The following EMP1 variants were observed in gnomAD, a reference collection of about 807,000 sequenced individuals.
EMP1 encodes tumor-associated membrane protein.
In EMP1, 5 loss-of-function variants were observed where a neutral mutation model predicts 15.7. The observed-to-expected ratio is 0.32, with a 90% CI of 0.17 to 0.67. The LOEUF (loss-of-function observed/expected upper bound fraction) is 0.67. Ranked by LOEUF, EMP1 falls within the 30% of genes least tolerant of loss-of-function variation. The pLI, the probability that EMP1 is intolerant of heterozygous loss-of-function variation, is 0.74. For synonymous variants in EMP1, 78 were observed against 76.7 expected (o/e 1.02, Z -0.09); for missense variants, 166 against 194.2 (o/e 0.85, Z 0.86).
intron 4 of EMP1, 99 bp from the exon 5 acceptor site, chr12:13,214,435 A>G (rs1323197455): frequency 1.5e-5 from 22 of 1,502,946 alleles, no homozygotes; most frequent in Non-Finnish European, 1.9e-5. Flanking sequence ...TCATTTTCCT[A>G]TTGCTAATGA....
chr12:13,203,529 G>A (rs1236552147), intron 1 of EMP1, among the ~76,000 whole-genome samples: 1 of 152,258 alleles, frequency 6.6e-6, no homozygotes, highest in Non-Finnish European at 1.5e-5. Flanking sequence ...CATGCCACTT[G>A]TTTGCCTTTA....
In EMP1 at chr12:13,216,934, T is replaced by C. The variant is rs1432054103; in HGVS notation, c.*2243T>C. 1 of 154,670 alleles carries C rather than the reference T, an allele frequency of 6.5e-6. No homozygotes were observed. The highest frequency in any genetic ancestry group is 1.4e-5 in the Non-Finnish European group (1 of 69,554). 9.6% of individuals were successfully genotyped at this position (154,670 alleles called of 1,614,324 possible). On this transcript the variant is annotated 3_prime_UTR_variant, in exon 5 of 5. Coordinates refer to ENST00000256951, the MANE Select transcript of EMP1 (RefSeq NM_001423.3). ...ATATATTAGGCATTTCTGCAATAGC[T>C]CTTTCAGGTAACTGAATATTATTAA... is the stretch of plus-strand genomic sequence containing the variant.
At chr12:13,213,412 T>A (rs921714032) in intron 2 of EMP1, 67 bp from the exon 3 acceptor site, 1 of 1,392,380 alleles carries the variant, frequency 7.2e-7, no homozygotes, top group African/African-American at 1.4e-5. Flanking sequence ...TGCAAGCTGA[T>A]TTGTTATTTT....
At chr12:13,214,104 T>C in intron 4 of EMP1, 3 of 617,226 alleles carry the variant, frequency 4.9e-6, no homozygotes, top group Non-Finnish European at 8.7e-6. Flanking sequence ...GGCAGAAAGG[T>C]AGGAGTTCTC....
At chr12:13,202,445 A>C (rs1864074233) in intron 1 of EMP1, among the ~76,000 whole-genome samples, 1 of 152,202 alleles carries the variant, frequency 6.6e-6, no homozygotes, top group Non-Finnish European at 1.5e-5. Context: ...ACCCTTCCCC[A>C]GGACGCTGGA....
Position 13,211,385 on chromosome 12 carries a change from C to A in EMP1, c.-42-84C>A. 1.1e-6 allele frequency: 1 copy of A among 874,786 alleles called. No individual in the cohort carries two copies. Among genetic ancestry groups the A allele is most frequent in the Non-Finnish European group, 1.9e-6 (1 of 536,484 alleles). The allele number at this position is 874,786 out of a possible 1,614,324, so 54.2% of individuals were successfully genotyped here. On this transcript the variant is annotated intron_variant, in intron 1 of 4. Transcript: ENST00000256951. The surrounding 1 kb of genome is among the most constrained non-coding windows in gnomAD (Gnocchi z 4.7). Reference sequence around the variant, plus strand: ...TTAGTGCAGCTCTTCCTCATGTTAGCAGATAGCCCACACGTGTGGGAAAGC... The same window carrying A: ...TTAGTGCAGCTCTTCCTCATGTTAGAAGATAGCCCACACGTGTGGGAAAGC...
intron 1 of EMP1, among the ~76,000 whole-genome samples, chr12:13,206,773 C>A (rs1167476630): frequency 6.6e-6 from 1 of 152,150 alleles, no homozygotes; most frequent in Non-Finnish European, 1.5e-5. Context: ...AAAGTCTCTG[C>A]AGATTTAGTT....
At chr12:13,198,831 A>G (rs770109689) in intron 1 of EMP1, among the ~76,000 whole-genome samples, 16 of 152,218 alleles carry the variant, frequency 1.1e-4, no homozygotes, top group Non-Finnish European at 2.4e-4. Flanking sequence ...TTAGAAAAAT[A>G]CCGTTCTGAT....
chr12:13,203,013 T>G (rs1303509755), intron 1 of EMP1, among the ~76,000 whole-genome samples: 2 of 152,142 alleles, frequency 1.3e-5, no homozygotes, highest in African/African-American at 4.8e-5. Context: ...CTGAATGACC[T>G]CAATGCCTCT....
At chr12:13,197,311 T>C (rs7132172) in intron 1 of EMP1, among the ~76,000 whole-genome samples, 73,231 of 152,078 alleles carry the variant, frequency 0.48, 18,076 homozygotes, top group Middle Eastern at 0.55. Context: ...ACTGTTACTC[T>C]GCTCGCTGGT....
chr12:13,216,422 G>C lies in EMP1; in HGVS notation c.*1731G>C. 1.4e-6 allele frequency: 1 copy of C among 702,396 alleles called. No individual in the cohort carries two copies. Among genetic ancestry groups the C allele is most frequent in the Non-Finnish European group, 2.6e-6 (1 of 384,718 alleles). 43.5% of individuals were successfully genotyped at this position (702,396 alleles called of 1,614,324 possible). On this transcript the variant is annotated 3_prime_UTR_variant, in exon 5 of 5. Coordinates refer to ENST00000256951, the MANE Select transcript of EMP1 (RefSeq NM_001423.3). ...TACCTAGGCTGAGGTTAGAGAGATT[G>C]GCCAGCAAAAACTGTGGGAAGATGA...
chr12:13,213,683 G>A lies in EMP1; in HGVS notation c.178G>A (p.Ala60Thr), dbSNP rs1198895742. ...SDSLSYASED[A>T]LKTVQAFMIL... ...TTCTCCTCGTCCTGTGTCTACAGAT[G>A]CCCTCAAGACAGTGCAGGCCTTCAT... The change falls in exon 4 of 5, where the codon GCC (alanine) becomes ACC (threonine). Residue 60 changes from alanine (A) to threonine (T), a missense_variant and splice_region_variant. Coordinates refer to ENST00000256951, the MANE Select transcript of EMP1 (RefSeq NM_001423.3). The A allele has an allele frequency of 1.9e-6, 3 of 1,613,918 alleles. No individual in the cohort carries two copies. Among genetic ancestry groups the A allele is most frequent in the Non-Finnish European group, 1.7e-6 (2 of 1,179,926 alleles).
rs1864211063 is a variant in EMP1, at chr12:13,215,925, C to T, written c.*1234C>T. The T allele has an allele frequency of 6.2e-6, 1 of 161,994 alleles. No individual in the cohort carries two copies. The highest frequency in any genetic ancestry group is 1.7e-4 in the South Asian group (1 of 5,940). 10.0% of individuals were successfully genotyped at this position (161,994 alleles called of 1,614,324 possible). A position where few individuals can be genotyped will look rare whatever the true frequency, so the allele number is the denominator to read the frequency against. On this transcript the variant is annotated 3_prime_UTR_variant, in exon 5 of 5. Coordinates refer to ENST00000256951, the MANE Select transcript of EMP1 (RefSeq NM_001423.3). Reference sequence around the variant, plus strand: ...ATGATAAGAACAGAGTGCCTGCATTCCCAGGAAAATACGAAAATCCCATGA... The same window carrying T: ...ATGATAAGAACAGAGTGCCTGCATTTCCAGGAAAATACGAAAATCCCATGA...
rs1429889159 is a variant in EMP1 at position 13,215,072 on chromosome 12, A to G, written c.*381A>G. 2 of 207,588 alleles carry G rather than the reference A, an allele frequency of 9.6e-6. No homozygotes were observed. Among genetic ancestry groups the G allele is most frequent in the Admixed American group, 1.0e-4 (2 of 19,208 alleles). The allele number at this position is 207,588 out of a possible 1,614,324, so 12.9% of individuals were successfully genotyped here. ...TACTGCACTGAGTTAAAATAGCGGT[A>G]CAAGTTCTGGCAAGAGCAGATACTG... On this transcript the variant is annotated 3_prime_UTR_variant, in exon 5 of 5. Coordinates refer to ENST00000256951, the MANE Select transcript of EMP1 (RefSeq NM_001423.3).
At chr12:13,202,404 T>G (rs1864073848) in intron 1 of EMP1, among the ~76,000 whole-genome samples, 2 of 152,308 alleles carry the variant, frequency 1.3e-5, no homozygotes, top group South Asian at 4.2e-4. Context: ...GGGTTCTTGA[T>G]CCTTAGACTT....
intron 1 of EMP1, among the ~76,000 whole-genome samples, chr12:13,203,091 GA>G (rs2121147167): frequency 6.6e-6 from 1 of 152,250 alleles, no homozygotes; most frequent in Non-Finnish European, 1.5e-5. Flanking sequence ...GTCTCTAGGC[GA>G]GGGGCCTCCC....
chr12:13,208,178 A>AT (rs1360627124), intron 1 of EMP1, among the ~76,000 whole-genome samples: 7 of 152,220 alleles, frequency 4.6e-5, no homozygotes, highest in Non-Finnish European at 7.4e-5. Flanking sequence ...CATAAATGGT[A>AT]TTTTTTTCAG....
chr12:13,209,129 G>A (rs1028503751), intron 1 of EMP1: 2 of 152,276 alleles, frequency 1.3e-5, no homozygotes, highest in African/African-American at 4.8e-5. Context: ...GAGGATGTTT[G>A]TAAATTAGAA....
At chr12:13,197,265 C>T (rs1864022804) in intron 1 of EMP1, among the ~76,000 whole-genome samples, 1 of 152,116 alleles carries the variant, frequency 6.6e-6, no homozygotes, top group Admixed American at 6.5e-5. Flanking sequence ...TGTTTTTCAC[C>T]TCCTCCGTTT....
Sources: allele counts gnomAD v4.1 joint callset (sites outside exome capture counted in the v4.1 genomes callset), GRCh38; gene constraint gnomAD v4.1.1; non-coding constraint Gnocchi (gnomAD v3.1); transcripts MANE v1.5; gene names NCBI Gene and HGNC (gene_info 2026-07-23, HGNC 2026-07-21).